Variants in NRF1 observed in about 807,000 individuals in gnomAD.
NRF1 encodes the protein alpha palindromic-binding protein.
Under a neutral mutation model 58.5 loss-of-function variants are expected in NRF1, and 5 were observed. The observed-to-expected ratio is 0.09, with a 90% CI of 0.04 to 0.18. The LOEUF (loss-of-function observed/expected upper bound fraction) is 0.18, where lower values mean the gene tolerates loss of function less well. Among genes scored for constraint, NRF1 ranks in the 10% least tolerant of loss-of-function variants. The pLI is 1.00. For synonymous variants in NRF1, 224 were observed against 246.7 expected, an observed-to-expected ratio of 0.91 and a Z score of 0.86; for missense variants, 288 against 657.7, an observed-to-expected ratio of 0.44 and a Z score of 6.15.
chr7:129,654,191 C>T (rs974131810), intron 1 of NRF1, among the ~76,000 whole-genome samples: 1 of 152,192 alleles, frequency 6.6e-6, no homozygotes, highest in African/African-American at 2.4e-5. Context: ...TGATATCTCA[C>T]TGTTTTAATT....
intron 3 of NRF1, among the ~76,000 whole-genome samples, chr7:129,675,962 G>A (rs1802168118): frequency 6.6e-6 from 1 of 152,168 alleles, no homozygotes; most frequent in South Asian, 2.1e-4. Flanking sequence ...TTGAAAATCT[G>A]TTGTTTAGTG....
chr7:129,645,230 T>C (rs1171294626), intron 1 of NRF1, among the ~76,000 whole-genome samples: 1 of 152,224 alleles, frequency 6.6e-6, no homozygotes, highest in Non-Finnish European at 1.5e-5. Flanking sequence ...ATTCTGTTAT[T>C]TTCCTTCATT....
chr7:129,751,467 GT>G (rs1232200649), intron 10 of NRF1, among the ~76,000 whole-genome samples: 1 of 152,180 alleles, frequency 6.6e-6, no homozygotes, highest in Non-Finnish European at 1.5e-5. Flanking sequence ...AAAATCTTCC[GT>G]GATACTATGA....
chr7:129,668,819 A>G (rs1801978444), intron 2 of NRF1, among the ~76,000 whole-genome samples: 1 of 152,154 alleles, frequency 6.6e-6, no homozygotes, highest in African/African-American at 2.4e-5. Context: ...ATGTATGGTG[A>G]AAAAAAGAAG....
At chr7:129,674,719 G>A (rs535780105) in intron 3 of NRF1, among the ~76,000 whole-genome samples, 75 of 152,244 alleles carry the variant, frequency 4.9e-4, no homozygotes, top group Admixed American at 7.8e-4. Flanking sequence ...ACAGGTGTGA[G>A]CCACTGGGCC....
chr7:129,748,296 AG>A (rs1239580719), intron 10 of NRF1, among the ~76,000 whole-genome samples: 29 of 150,824 alleles, frequency 1.9e-4, no homozygotes, highest in Non-Finnish European at 3.3e-4. Context: ...AAAAAAAAAA[AG>A]ACAGTCTTGC....
intron 3 of NRF1, among the ~76,000 whole-genome samples, chr7:129,674,790 C>T (rs1201225892): frequency 1.3e-5 from 2 of 152,148 alleles, no homozygotes; most frequent in African/African-American, 4.8e-5. Context: ...TGCAGTGACT[C>T]ATAATCTTAT....
chr7:129,734,469 T>A (rs766996450), intron 10 of NRF1, among the ~76,000 whole-genome samples: 1 of 152,164 alleles, frequency 6.6e-6, no homozygotes, highest in Non-Finnish European at 1.5e-5. Flanking sequence ...GTCAAACCTT[T>A]CCCCACCCCT....
At chr7:129,710,641 G>A in intron 7 of NRF1, 70 bp downstream of exon 7, 7 of 819,994 alleles carry the variant, frequency 8.5e-6, no homozygotes, top group Middle Eastern at 2.2e-4. Flanking sequence ...CCTCAGACTA[G>A]GGAAAGTTTC....
chr7:129,617,800 G>A (rs1800687620), intron 1 of NRF1, among the ~76,000 whole-genome samples: 1 of 152,184 alleles, frequency 6.6e-6, no homozygotes, highest in East Asian at 1.9e-4. Context: ...GGAAGTTTGA[G>A]TAGGACTTGG....
chr7:129,707,551 C>T (rs997774915), intron 5 of NRF1, among the ~76,000 whole-genome samples: 6 of 152,106 alleles, frequency 3.9e-5, no homozygotes, highest in South Asian at 2.1e-4. Flanking sequence ...TAGAAAAAGA[C>T]ACACTCCCAA....
At chr7:129,688,629 G>A (rs556611764) in intron 4 of NRF1, among the ~76,000 whole-genome samples, 1 of 152,190 alleles carries the variant, frequency 6.6e-6, no homozygotes, top group East Asian at 1.9e-4. Context: ...GAGGCTTCAG[G>A]AAACTTAACA....
chr7:129,679,368 T>A (rs1268206213), intron 4 of NRF1, among the ~76,000 whole-genome samples: 1 of 152,068 alleles, frequency 6.6e-6, no homozygotes, highest in Non-Finnish European at 1.5e-5. Context: ...TATTTGCAAA[T>A]CATGTCTGAT....
chr7:129,643,696 T>C lies in NRF1; in HGVS notation c.-6-13650T>C, dbSNP rs143389932. Among the ~76,000 whole-genome samples, 169 of 152,336 alleles carry C rather than the reference T, an allele frequency of 1.1e-3. 1 individual carries two copies. The highest frequency in any genetic ancestry group is 3.4e-3 in the African/African-American group (143 of 41,578). ...TTGAGAATGCACTCTCTAATGCTTTTTTATTGTTGTCACCAACCTTCACTA... is the reference window on the plus strand; with the variant it reads ...TTGAGAATGCACTCTCTAATGCTTTCTTATTGTTGTCACCAACCTTCACTA... On this transcript the variant is annotated intron_variant, in intron 1 of 10. Transcript: ENST00000393232.
At chr7:129,692,558 A>C (rs755717875) in intron 5 of NRF1, among the ~76,000 whole-genome samples, 12 of 152,282 alleles carry the variant, frequency 7.9e-5, no homozygotes, top group Non-Finnish European at 1.6e-4. Flanking sequence ...GCCTCAAATA[A>C]ATGAGTGAAT....
Position 129,668,663 on chromosome 7 carries a change from G to A in NRF1, c.224-2766G>A, listed in dbSNP as rs548041646. ...TGGAATATTACTTGGCAACAAAAAG[G>A]AAAAAACAACTGGTTCATGTGGCAG... On this transcript the variant is annotated intron_variant, in intron 2 of 10. Transcript: ENST00000393232. Among the ~76,000 whole-genome samples, 900 of 152,144 alleles carry A rather than the reference G, an allele frequency of 5.9e-3. 4 individuals are homozygous for A. Among genetic ancestry groups the A allele is most frequent in the Middle Eastern group, 0.027 (8 of 294 alleles).
intron 4 of NRF1, among the ~76,000 whole-genome samples, chr7:129,678,499 T>G (rs977030468): frequency 6.6e-6 from 1 of 152,190 alleles, no homozygotes; most frequent in Non-Finnish European, 1.5e-5. Context: ...GAAATTCTGT[T>G]TGTTGTATTT....
intron 2 of NRF1, among the ~76,000 whole-genome samples, chr7:129,667,372 T>G (rs1801946234): frequency 6.6e-6 from 1 of 152,240 alleles, no homozygotes; most frequent in Admixed American, 6.5e-5. Flanking sequence ...AGCACCATTT[T>G]GGATCTTTAT....
At chr7:129,640,244 C>T (rs993738576) in intron 1 of NRF1, among the ~76,000 whole-genome samples, 2 of 152,150 alleles carry the variant, frequency 1.3e-5, no homozygotes, top group African/African-American at 4.8e-5. Flanking sequence ...CGGCTGGGTG[C>T]TGTGGTTCAT....
Sources: gnomAD v4.1 joint callset for allele counts (sites outside exome capture counted in the v4.1 genomes callset) on GRCh38, gnomAD v4.1.1 for gene constraint, MANE v1.5 for transcripts, NCBI Gene and HGNC (gene_info 2026-07-23, HGNC 2026-07-21) for gene names.